Variants in ANKRD44 observed in about 807,000 individuals in gnomAD.
The protein encoded by ANKRD44 is ankyrin repeat domain 44, also known as serine/threonine-protein phosphatase 6 regulatory ankyrin repeat subunit B.
ANKRD44 carries 35 observed loss-of-function variants against 116.0 expected under a neutral mutation model. The ratio of observed to expected loss-of-function variants is 0.30; its 90% confidence interval spans 0.23 to 0.40. ANKRD44 has a LOEUF of 0.40. Ranked by LOEUF, ANKRD44 falls within the 10% of genes least tolerant of loss-of-function variation. The pLI, the probability that ANKRD44 is intolerant of heterozygous loss-of-function variation, is 1.00. For synonymous variants in ANKRD44, 435 were observed against 461.8 expected (o/e 0.94, Z 0.74); for missense variants, 1,014 against 1,242.6 (o/e 0.82, Z 2.77).
At chr2:197,072,925 T>C (rs1210604203) in intron 16 of ANKRD44, among the ~76,000 whole-genome samples, 1 of 152,232 alleles carries the variant, frequency 6.6e-6, no homozygotes, top group Non-Finnish European at 1.5e-5. Flanking sequence ...AAGAGTTCTC[T>C]AGGCACTTTA....
At chr2:197,282,404 G>A (rs929816463) in intron 1 of ANKRD44, among the ~76,000 whole-genome samples, 5 of 152,024 alleles carry the variant, frequency 3.3e-5, no homozygotes, top group African/African-American at 7.3e-5. Flanking sequence ...ATAGTAACAG[G>A]CTGGTCTGAG....
chr2:197,300,459 T>G (rs1287788599), intron 1 of ANKRD44, among the ~76,000 whole-genome samples: 1 of 152,208 alleles, frequency 6.6e-6, no homozygotes, highest in Non-Finnish European at 1.5e-5. Flanking sequence ...CTGAAGTCCC[T>G]AATCAATACC....
chr2:197,173,885 T>C (rs1251680999), intron 2 of ANKRD44, among the ~76,000 whole-genome samples: 4 of 152,050 alleles, frequency 2.6e-5, no homozygotes, highest in African/African-American at 9.7e-5. Context: ...ATACAAAAAT[T>C]AGCCGGGCAT....
chr2:197,069,297 T>G (rs2077510658), intron 16 of ANKRD44, among the ~76,000 whole-genome samples: 3 of 148,358 alleles, frequency 2.0e-5, no homozygotes, highest in African/African-American at 7.5e-5. Context: ...CGGGGCCTGT[T>G]GTGGGGTGGG....
At chr2:197,263,158 C>T (rs1300447037) in intron 1 of ANKRD44, 16 of 468,356 alleles carry the variant, frequency 3.4e-5, no homozygotes, top group Non-Finnish European at 5.2e-5. Context: ...TGGTCAAGAG[C>T]GCCTCACAGC....
At chr2:197,081,481 C>T (rs1293038617) in intron 15 of ANKRD44, among the ~76,000 whole-genome samples, 164 bp downstream of exon 15, 1 of 152,138 alleles carries the variant, frequency 6.6e-6, no homozygotes, top group East Asian at 1.9e-4. Context: ...GAATTGAAGG[C>T]TGTATTAAAA....
intron 16 of ANKRD44, among the ~76,000 whole-genome samples, chr2:197,050,053 A>C (rs2077077046): frequency 1.3e-5 from 2 of 152,158 alleles, no homozygotes; most frequent in South Asian, 4.1e-4. Flanking sequence ...TGAGGCTGGC[A>C]TCTGCTCAGC....
intron 1 of ANKRD44, among the ~76,000 whole-genome samples, chr2:197,190,122 G>C (rs2080787739): frequency 6.6e-6 from 1 of 152,154 alleles, no homozygotes; most frequent in African/African-American, 2.4e-5. Flanking sequence ...AAGAGGCTGA[G>C]CTATCATTAT....
rs182308127 is a variant in ANKRD44, at chr2:197,044,448, C to T, written c.1651-19181G>A. Among the ~76,000 whole-genome samples, 371 of 152,230 alleles carry T rather than the reference C, an allele frequency of 2.4e-3. 2 individuals are homozygous for T. The highest frequency in any genetic ancestry group is 8.0e-3 in the African/African-American group (331 of 41,540). On this transcript the variant is annotated intron_variant, in intron 16 of 27. Coordinates refer to ENST00000282272, the MANE Select transcript of ANKRD44 (RefSeq NM_001195144.2). ...GCGGCGCGATCTCGGCTCACTGCAA[C>T]CTCTGCTTCCTGGGTTCAAGCAATT...
rs2075847868 is a variant in ANKRD44, at chr2:196,987,217, C to T, written c.*2374G>A. 1 of 985,158 alleles carries T rather than the reference C, an allele frequency of 1.0e-6. No homozygotes were observed. Among genetic ancestry groups the T allele is most frequent in the African/African-American group, 1.7e-5 (1 of 57,208 alleles). 61.0% of individuals were successfully genotyped at this position (985,158 alleles called of 1,614,324 possible). A position where few individuals can be genotyped will look rare whatever the true frequency, so the allele number is the denominator to read the frequency against. On this transcript the variant is annotated 3_prime_UTR_variant, in exon 28 of 28. Transcript: ENST00000282272. ...GTAAGACGAAAGCATTTTAGCACTG[C>T]AAAATCAAACAATTCCTATAGAAAA...
chr2:196,994,892 A>T (rs989686180), intron 26 of ANKRD44: 1 of 152,692 alleles, frequency 6.5e-6, no homozygotes, highest in African/African-American at 2.4e-5. Flanking sequence ...TAAAGCGGAA[A>T]ATGAAACAGC....
At chr2:197,023,766 T>A (rs730200) in intron 17 of ANKRD44, among the ~76,000 whole-genome samples, 16,256 of 152,202 alleles carry the variant, frequency 0.11, 1,034 homozygotes, top group East Asian at 0.16. Context: ...TTGGGGTAAC[T>A]TCCCCAGGCA....
At chr2:197,219,533 T>G (rs1247237132) in intron 1 of ANKRD44, among the ~76,000 whole-genome samples, 1 of 152,140 alleles carries the variant, frequency 6.6e-6, no homozygotes, top group East Asian at 1.9e-4. Context: ...AAAAAATTCC[T>G]GACTAATAAA....
intron 27 of ANKRD44, chr2:196,990,708 T>A: frequency 8.1e-7 from 1 of 1,232,230 alleles, no homozygotes; most frequent in Non-Finnish European, 1.0e-6. Context: ...AGAATCATTT[T>A]CATTGTACCC....
chr2:197,241,402 T>C lies in ANKRD44; in HGVS notation c.28-54296A>G, dbSNP rs192531108. The stretch of plus-strand genomic sequence containing the variant: ...GGATCTCCAAGAGGGGCACAGTAAA[T>C]AGATTTTCTACTTGAACTCTTGTTC... On this transcript the variant is annotated intron_variant, in intron 1 of 27. Coordinates refer to ENST00000282272, the MANE Select transcript of ANKRD44 (RefSeq NM_001195144.2). Among the ~76,000 whole-genome samples, 28 of 152,306 alleles carry C rather than the reference T, an allele frequency of 1.8e-4. 1 individual carries two copies. The highest frequency in any genetic ancestry group is 6.5e-4 in the African/African-American group (27 of 41,568).
At chr2:197,086,536 A>G (rs2077928085) in intron 13 of ANKRD44, 144 bp downstream of exon 13, 2 of 685,656 alleles carry the variant, frequency 2.9e-6, no homozygotes, top group East Asian at 2.8e-5. Flanking sequence ...GGCAACCTCT[A>G]TGAGAAGGGA....
At chr2:197,057,782 C>T (rs2077231998) in intron 16 of ANKRD44, among the ~76,000 whole-genome samples, 2 of 152,304 alleles carry the variant, frequency 1.3e-5, no homozygotes, top group South Asian at 4.1e-4. Context: ...CGCTTGAATC[C>T]AGGGTTCAAA....
chr2:197,012,785 T>C (rs963723081), intron 18 of ANKRD44, among the ~76,000 whole-genome samples: 2 of 152,236 alleles, frequency 1.3e-5, no homozygotes, highest in African/African-American at 4.8e-5. Context: ...AAGACAGTTA[T>C]TTATCGTTAC....
chr2:197,189,422 T>C (rs1032794288), intron 1 of ANKRD44, among the ~76,000 whole-genome samples: 1 of 152,228 alleles, frequency 6.6e-6, no homozygotes, highest in Admixed American at 6.5e-5. Context: ...AGTTCAGTCT[T>C]AGCTACTTAC....
Sources: gnomAD v4.1 joint callset for allele counts (sites outside exome capture counted in the v4.1 genomes callset) on GRCh38, gnomAD v4.1.1 for gene constraint, MANE v1.5 for transcripts, NCBI Gene and HGNC (gene_info 2026-07-23, HGNC 2026-07-21) for gene names.